Variants in NBAS observed in about 807,000 individuals in gnomAD.
NBAS encodes the protein NBAS subunit of NRZ tethering complex, also known as NAG/BC035112 fusion.
NBAS carries 219 observed loss-of-function variants against 302.5 expected under a neutral mutation model. The ratio of observed to expected loss-of-function variants is 0.72; its 90% CI spans 0.65 to 0.81. The LOEUF (loss-of-function observed/expected upper bound fraction) is 0.81, where lower values mean the gene tolerates loss of function less well. Ranked by LOEUF, NBAS falls within the 30% of genes least tolerant of loss-of-function variation. The probability of loss-of-function intolerance (pLI) is 0.00; values close to 1 mark genes in which losing one functional copy is unlikely to be tolerated. For missense variants in NBAS, 2,932 were observed against 2,841.6 expected (o/e 1.03, Z -0.72); for synonymous variants, 1,118 against 1,021.6 (o/e 1.09, Z -1.80).
intron 7 of NBAS, chr2:15,538,339 C>A: frequency 2.1e-6 from 1 of 485,572 alleles, no homozygotes; most frequent in Non-Finnish European, 4.1e-6. Context: ...AGAATATGAG[C>A]ACAACACACG....
the NBAS span, among the ~76,000 whole-genome samples, chr2:15,101,927 C>T: frequency 3.9e-5 from 6 of 152,234 alleles, no homozygotes; most frequent in African/African-American, 9.6e-5. Context: ...AGATCCTCTG[C>T]GCTCTCAGGG....
At chr2:14,867,929 C>T in the NBAS span, among the ~76,000 whole-genome samples, 10 of 152,062 alleles carry the variant, frequency 6.6e-5, no homozygotes, top group African/African-American at 2.2e-4. Context: ...TGCAGAGGCA[C>T]AGAAAAAGGA....
At chr2:15,061,928 G>A in the NBAS span, among the ~76,000 whole-genome samples, 3 of 152,164 alleles carry the variant, frequency 2.0e-5, no homozygotes, top group Admixed American at 6.5e-5. Flanking sequence ...AGGAGAGCAG[G>A]GAAGAGGAAG....
At chr2:14,800,580 T>C in the NBAS span, among the ~76,000 whole-genome samples, 1 of 152,220 alleles carries the variant, frequency 6.6e-6, no homozygotes, top group African/African-American at 2.4e-5. Context: ...ATTTAGTGCT[T>C]GATTTAAGGT....
chr2:15,139,888 C>T, the NBAS span, among the ~76,000 whole-genome samples: 6 of 152,176 alleles, frequency 3.9e-5, no homozygotes, highest in Non-Finnish European at 7.3e-5. Flanking sequence ...TTTTCAAATA[C>T]AGCCGCAGTA....
the NBAS span, among the ~76,000 whole-genome samples, chr2:14,910,566 G>A: frequency 6.6e-6 from 1 of 152,220 alleles, no homozygotes; most frequent in Admixed American, 6.5e-5. Flanking sequence ...GGGAGACAAT[G>A]CTGAGAGGTG....
In NBAS at chr2:15,220,282, C is replaced by T. The variant is rs187481981; in HGVS notation, c.6237-1314G>A. Reference sequence around the variant, plus strand: ...GCAGAGGCGCCCCTCACCTCCCGGACGGGGCGGCTATATATCTGATTACTT... The same window carrying T: ...GCAGAGGCGCCCCTCACCTCCCGGATGGGGCGGCTATATATCTGATTACTT... On this transcript the variant is annotated intron_variant, in intron 47 of 51. Coordinates refer to ENST00000281513, the MANE Select transcript of NBAS (RefSeq NM_015909.4). Among the ~76,000 whole-genome samples the T allele has an allele frequency of 5.2e-3, 787 of 150,578 alleles. 3 individuals are homozygous for T. The highest frequency in any genetic ancestry group is 0.016 in the African/African-American group (670 of 40,880).
chr2:14,780,253 G>A, the NBAS span, among the ~76,000 whole-genome samples: 14 of 152,198 alleles, frequency 9.2e-5, no homozygotes, highest in Admixed American at 6.5e-4. Flanking sequence ...TTTGAAATTA[G>A]TGTAACCTAT....
At chr2:15,331,267 G>A (rs1051440028) in intron 35 of NBAS, among the ~76,000 whole-genome samples, 3 of 152,168 alleles carry the variant, frequency 2.0e-5, no homozygotes, top group African/African-American at 7.2e-5. Flanking sequence ...AATTAATAGT[G>A]TTTGATGGGT....
chr2:15,054,733 G>GCT, the NBAS span, among the ~76,000 whole-genome samples: 1 of 152,244 alleles, frequency 6.6e-6, no homozygotes, highest in South Asian at 2.1e-4. Flanking sequence ...TGTGTCACAT[G>GCT]CTCTCCTCTT....
At chr2:14,880,307 A>T in the NBAS span, among the ~76,000 whole-genome samples, 2 of 152,120 alleles carry the variant, frequency 1.3e-5, no homozygotes, top group African/African-American at 4.8e-5. Flanking sequence ...AATCCATATG[A>T]AATCACTATA....
chr2:15,278,853 AGCACTTGAATTTG>A (rs1669704538), intron 42 of NBAS, among the ~76,000 whole-genome samples: 1 of 152,232 alleles, frequency 6.6e-6, no homozygotes, highest in South Asian at 2.1e-4. Context: ...TAGTGAAAGA[AGCACTTGAATTTG>A]GCAGGAAGGA....
chr2:14,874,543 G>A, the NBAS span, among the ~76,000 whole-genome samples: 1 of 151,560 alleles, frequency 6.6e-6, no homozygotes, highest in Non-Finnish European at 1.5e-5. Context: ...GGGAGGCTGA[G>A]GCAGGAGAAT....
chr2:14,874,156 T>C, the NBAS span, among the ~76,000 whole-genome samples: 3 of 152,116 alleles, frequency 2.0e-5, no homozygotes, highest in Non-Finnish European at 2.9e-5. Context: ...AAAAAGGGAA[T>C]ATGTAATTTG....
chr2:14,882,748 G>A, the NBAS span, among the ~76,000 whole-genome samples: 1 of 152,184 alleles, frequency 6.6e-6, no homozygotes, highest in Non-Finnish European at 1.5e-5. Context: ...CCCAGAAGTT[G>A]ATGGGAAAGA....
the NBAS span, among the ~76,000 whole-genome samples, chr2:14,949,044 G>A: frequency 6.6e-6 from 1 of 152,090 alleles, no homozygotes; most frequent in Non-Finnish European, 1.5e-5. Context: ...AACCATTTCA[G>A]AAGAATGAAA....
chr2:15,399,582 C>T (rs6753675), intron 26 of NBAS, among the ~76,000 whole-genome samples: 95,040 of 151,602 alleles, frequency 0.63, 30,512 homozygotes, highest in Middle Eastern at 0.71. Context: ...GTCTGAATAA[C>T]AAACAGATGC....
chr2:14,867,358 C>G, the NBAS span, among the ~76,000 whole-genome samples: 1 of 152,260 alleles, frequency 6.6e-6, no homozygotes, highest in Non-Finnish European at 1.5e-5. Context: ...TGCTAACAAT[C>G]TGAAAAGCCC....
the NBAS span, among the ~76,000 whole-genome samples, chr2:15,067,449 G>A: frequency 2.2e-5 from 2 of 90,326 alleles, 1 homozygote; most frequent in Admixed American, 2.0e-4. Context: ...GGAGGGGAGA[G>A]GAGGGGAGAG....
Sources: allele counts gnomAD v4.1 joint callset (sites outside exome capture counted in the v4.1 genomes callset), GRCh38; gene constraint gnomAD v4.1.1; transcripts MANE v1.5; gene names NCBI Gene and HGNC (gene_info 2026-07-23, HGNC 2026-07-21).